The following NLK variants were observed in gnomAD, a reference collection of about 807,000 sequenced individuals.
NLK encodes serine/threonine-protein kinase NLK.
Under a neutral mutation model 59.0 loss-of-function variants are expected in NLK, and 11 were observed. The ratio of observed to expected loss-of-function variants is 0.19; its 90% CI spans 0.12 to 0.31. The LOEUF is 0.31. Ranked by LOEUF, NLK falls within the 10% of genes least tolerant of loss-of-function variation. The pLI, the probability that NLK is intolerant of heterozygous loss-of-function variation, is 1.00. For synonymous variants in NLK, 235 were observed against 235.9 expected (o/e 1.00, Z 0.03); for missense variants, 410 against 661.1 (o/e 0.62, Z 4.16).
chr17:28,047,930 A>G (rs1026131188), intron 1 of NLK: 5 of 398,318 alleles, frequency 1.3e-5, no homozygotes, highest in African/African-American at 8.2e-5. Flanking sequence ...GAGAATCTGT[A>G]GTACTGAGAA....
At chr17:28,073,424 A>G (rs1466704091) in intron 1 of NLK, among the ~76,000 whole-genome samples, 1 of 152,158 alleles carries the variant, frequency 6.6e-6, no homozygotes, top group Non-Finnish European at 1.5e-5. Flanking sequence ...AACTCCAGGG[A>G]AAACTGTCTA....
chr17:28,147,806 G>A (rs1007782334), intron 3 of NLK, among the ~76,000 whole-genome samples: 2 of 152,128 alleles, frequency 1.3e-5, no homozygotes, highest in African/African-American at 4.8e-5. Flanking sequence ...TGGGAATCTA[G>A]CAGGATGTGC....
intron 1 of NLK, among the ~76,000 whole-genome samples, chr17:28,100,419 TG>T (rs1051585634): frequency 2.9e-4 from 44 of 152,342 alleles, no homozygotes; most frequent in African/African-American, 1.1e-3. Flanking sequence ...GTATGATTAG[TG>T]CTAAATATGT....
intron 2 of NLK, among the ~76,000 whole-genome samples, chr17:28,128,170 A>T (rs924059225): frequency 1.3e-5 from 2 of 152,202 alleles, no homozygotes; most frequent in African/African-American, 4.8e-5. Flanking sequence ...AGAATAAAAC[A>T]TAGGCAAGTA....
chr17:28,109,963 T>C (rs963053560), intron 1 of NLK, among the ~76,000 whole-genome samples: 2 of 152,186 alleles, frequency 1.3e-5, no homozygotes, highest in Non-Finnish European at 2.9e-5. Context: ...GGGTTCCAAT[T>C]TTGATTGGGA....
chr17:28,098,892 G>C (rs1671220348), intron 1 of NLK, among the ~76,000 whole-genome samples: 1 of 151,906 alleles, frequency 6.6e-6, no homozygotes, highest in Non-Finnish European at 1.5e-5. Flanking sequence ...ATGTTGGTCA[G>C]GCTGGTCTTG....
At chr17:28,148,034 C>T (rs1907328870) in intron 3 of NLK, among the ~76,000 whole-genome samples, 1 of 152,040 alleles carries the variant, frequency 6.6e-6, no homozygotes, top group Non-Finnish European at 1.5e-5. Flanking sequence ...CAGATTGTAA[C>T]CAAATGCAAA....
chr17:28,077,755 T>G (rs1024540766), intron 1 of NLK, among the ~76,000 whole-genome samples: 3 of 152,316 alleles, frequency 2.0e-5, no homozygotes. Flanking sequence ...AACTTTAGCT[T>G]CTTTTGCCAG....
At chr17:28,104,893 T>TGCTGTCCTA (rs1001765916) in intron 1 of NLK, among the ~76,000 whole-genome samples, 17 of 152,120 alleles carry the variant, frequency 1.1e-4, no homozygotes, top group African/African-American at 3.9e-4. Flanking sequence ...GTTGATGCTG[T>TGCTGTCCTA]GCTGTCCTAG....
rs34290843 is a variant in NLK at position 28,193,453 on chromosome 17, G to A, written c.1530-1129G>A. Among the ~76,000 whole-genome samples, 779 of 152,250 alleles carry A rather than the reference G, an allele frequency of 5.1e-3. 13 individuals are homozygous for A. Among genetic ancestry groups the A allele is most frequent in the African/African-American group, 0.017 (710 of 41,550 alleles). On this transcript the variant is annotated intron_variant, in intron 10 of 10. Coordinates refer to ENST00000407008, the MANE Select transcript of NLK (RefSeq NM_016231.5). ...TGAGCCTTCCACATGACCAAAAACA[G>A]GCACAACAAACCAAGGAAGGGAGAC...
At chr17:28,181,170 AG>A (rs1908888937) in intron 7 of NLK, among the ~76,000 whole-genome samples, 2 of 151,972 alleles carry the variant, frequency 1.3e-5, no homozygotes, top group African/African-American at 4.8e-5. Flanking sequence ...AGTCCGAGGC[AG>A]GCAGATTGCC....
chr17:28,079,908 T>G (rs766034765), intron 1 of NLK, among the ~76,000 whole-genome samples: 16 of 152,204 alleles, frequency 1.1e-4, no homozygotes, highest in Non-Finnish European at 2.2e-4. Flanking sequence ...ATCATGAAGC[T>G]TTTCCCCAAT....
rs146944813 is a variant in NLK, at chr17:28,188,503, G to C, written c.1237-2518G>C. Among the ~76,000 whole-genome samples, 412 of 152,110 alleles carry C rather than the reference G, an allele frequency of 2.7e-3. 2 individuals carry two copies. The highest frequency in any genetic ancestry group is 9.3e-3 in the African/African-American group (386 of 41,500). ...GAAATGAGGTGTGTTTGTGTGTCAG[G>C]GTCTCACTGTGTGACCCAGGCTGGA... On this transcript the variant is annotated intron_variant, in intron 8 of 10. Transcript: ENST00000407008.
chr17:28,073,923 A>G lies in NLK; in HGVS notation c.458+30592A>G, dbSNP rs34953669. Among the ~76,000 whole-genome samples the G allele has an allele frequency of 6.2e-3, 938 of 152,342 alleles. 8 individuals carry two copies. Among genetic ancestry groups the G allele is most frequent in the African/African-American group, 0.021 (883 of 41,572 alleles). On this transcript the variant is annotated intron_variant, in intron 1 of 10. Transcript: ENST00000407008. ...TGTTCCTAGCATGTAATATGCATTC[A>G]CTAAAGTTTGTTGAATTGAGTTTTC...
At chr17:28,189,843 GA>G (rs936664689) in intron 8 of NLK, among the ~76,000 whole-genome samples, 12 of 149,858 alleles carry the variant, frequency 8.0e-5, no homozygotes, top group South Asian at 2.1e-4. Flanking sequence ...TTATTGAAAG[GA>G]AAAAAAAACA....
intron 1 of NLK, among the ~76,000 whole-genome samples, chr17:28,056,424 T>G (rs1048002202): frequency 7.9e-5 from 12 of 152,220 alleles, no homozygotes; most frequent in Non-Finnish European, 1.8e-4. Context: ...TTTGCTGTTT[T>G]GCTGCTTTAC....
At chr17:28,104,653 GT>G (rs1199233591) in intron 1 of NLK, among the ~76,000 whole-genome samples, 2 of 152,118 alleles carry the variant, frequency 1.3e-5, no homozygotes, top group Non-Finnish European at 2.9e-5. Context: ...TTGATGGTTA[GT>G]TTCATCCTTC....
chr17:28,099,033 A>G (rs1208286509), intron 1 of NLK, among the ~76,000 whole-genome samples: 1 of 151,960 alleles, frequency 6.6e-6, no homozygotes, highest in Non-Finnish European at 1.5e-5. Context: ...TCTGTAGTAA[A>G]CATTTCCAGA....
chr17:28,190,746 TA>T (rs1909276509), intron 8 of NLK, among the ~76,000 whole-genome samples: 1 of 152,134 alleles, frequency 6.6e-6, no homozygotes, highest in Non-Finnish European at 1.5e-5. Flanking sequence ...TGACCCAGCA[TA>T]CATCTATTTC....
Sources: allele counts gnomAD v4.1 joint callset (sites outside exome capture counted in the v4.1 genomes callset), GRCh38; gene constraint gnomAD v4.1.1; transcripts MANE v1.5; gene names NCBI Gene and HGNC (gene_info 2026-07-23, HGNC 2026-07-21).